Variants in PTPN1 observed in about 807,000 individuals in gnomAD.
The protein encoded by PTPN1 is protein tyrosine phosphatase non-receptor type 1, also known as tyrosine-protein phosphatase non-receptor type 1.
Under a neutral mutation model 59.9 loss-of-function variants are expected in PTPN1, and 12 were observed. The ratio of observed to expected loss-of-function variants is 0.20; its 90% CI spans 0.13 to 0.32. The LOEUF (loss-of-function observed/expected upper bound fraction) is 0.32, where lower values mean the gene tolerates loss of function less well. Ranked by LOEUF, PTPN1 falls within the 10% of genes least tolerant of loss-of-function variation. The pLI, the probability that PTPN1 is intolerant of heterozygous loss-of-function variation, is 1.00. For synonymous variants in PTPN1, 178 were observed against 203.6 expected, an observed-to-expected ratio of 0.87 and a Z score of 1.07; for missense variants, 356 against 549.2, an observed-to-expected ratio of 0.65 and a Z score of 3.52.
At chr20:50,539,635 T>C (rs1337369705) in intron 1 of PTPN1, among the ~76,000 whole-genome samples, 1 of 144,284 alleles carries the variant, frequency 6.9e-6, no homozygotes, top group Non-Finnish European at 1.5e-5. Context: ...ATTTTTTCCC[T>C]CTTTCTCTCT....
intron 1 of PTPN1, among the ~76,000 whole-genome samples, chr20:50,518,549 A>C (rs1194617104): frequency 6.6e-6 from 1 of 152,234 alleles, no homozygotes; most frequent in African/African-American, 2.4e-5. Flanking sequence ...ACTTTTGCAC[A>C]GAGAAAAGAG....
chr20:50,520,679 T>A (rs2082547291), intron 1 of PTPN1, among the ~76,000 whole-genome samples: 1 of 152,158 alleles, frequency 6.6e-6, no homozygotes, highest in South Asian at 2.1e-4. Context: ...AGAACAGTTG[T>A]GTTTCAGAGC....
rs752071908 is a variant in PTPN1, at chr20:50,579,309, A to C, written c.844A>C (p.Met282Leu). 1.9e-6 allele frequency: 3 copies of C among 1,614,212 alleles called. No individual in the cohort carries two copies. Among genetic ancestry groups the C allele is most frequent in the Non-Finnish European group, 2.5e-6 (3 of 1,180,040 alleles). The change falls in exon 7 of 10, where the codon ATG (methionine) becomes CTG (leucine). Residue 282 changes from methionine to leucine, a missense_variant. Physicochemically the swap from Met to Leu is conservative, Grantham distance 15. Coordinates refer to ENST00000371621, the MANE Select transcript of PTPN1 (RefSeq NM_002827.4). ...LAVIEGAKFI[M>L]GDSSVQDQWK... The stretch of plus-strand genomic sequence containing the variant: ...TGTGATCGAAGGTGCCAAATTCATC[A>C]TGGGGGACTCTTCCGTGCAGGTCAG...
At chr20:50,578,381 G>A (rs377760147) in intron 5 of PTPN1, 39 bp from the exon 6 acceptor site, 81 of 1,536,444 alleles carry the variant, frequency 5.3e-5, no homozygotes, top group Non-Finnish European at 7.1e-5. Context: ...CTGTACAGAT[G>A]ATTCTTTTAG....
intron 1 of PTPN1, among the ~76,000 whole-genome samples, chr20:50,520,512 T>G (rs1308427703): frequency 6.6e-6 from 1 of 152,160 alleles, no homozygotes; most frequent in Non-Finnish European, 1.5e-5. Flanking sequence ...ATTAGAGGAT[T>G]TGTAAAAGAT....
At chr20:50,528,744 A>G (rs1286757652) in intron 1 of PTPN1, among the ~76,000 whole-genome samples, 1 of 151,566 alleles carries the variant, frequency 6.6e-6, no homozygotes, top group East Asian at 1.9e-4. Context: ...CTTAAAAAAA[A>G]AAAAAAAGAA....
intron 1 of PTPN1, among the ~76,000 whole-genome samples, chr20:50,543,852 C>G (rs1568782967): frequency 6.8e-6 from 1 of 148,052 alleles, no homozygotes; most frequent in Non-Finnish European, 1.5e-5. Context: ...AACTTTTAAA[C>G]TTTTTTTTTT....
rs995378736 is a variant in PTPN1, at chr20:50,584,356, G to A, written c.*1641G>A. ...TCCTGTATATGTATGTAGTAGTTTG[G>A]GTGTGTATATATAGTAGCATTTCAA... is the stretch of plus-strand genomic sequence containing the variant. On this transcript the variant is annotated 3_prime_UTR_variant, in exon 10 of 10. Coordinates refer to ENST00000371621, the MANE Select transcript of PTPN1 (RefSeq NM_002827.4). 2 of 152,406 alleles carry A rather than the reference G, an allele frequency of 1.3e-5. No individual in the cohort carries two copies. The highest frequency in any genetic ancestry group is 1.3e-4 in the Admixed American group (2 of 15,258). The allele number at this position is 152,406 out of a possible 1,614,324, so 9.4% of individuals were successfully genotyped here.
chr20:50,542,084 C>G (rs1229513984), intron 1 of PTPN1, among the ~76,000 whole-genome samples: 1 of 152,234 alleles, frequency 6.6e-6, no homozygotes, highest in African/African-American at 2.4e-5. Context: ...CCCATCAACA[C>G]TTGGCATAAC....
intron 1 of PTPN1, among the ~76,000 whole-genome samples, chr20:50,553,290 C>T (rs181803223): frequency 2.0e-4 from 31 of 152,328 alleles, no homozygotes; most frequent in Non-Finnish European, 4.4e-4. Context: ...CTAGGATGAA[C>T]TTTCTGCCTG....
chr20:50,535,394 C>T (rs1013990180), intron 1 of PTPN1, among the ~76,000 whole-genome samples: 3 of 152,186 alleles, frequency 2.0e-5, no homozygotes, highest in African/African-American at 7.2e-5. Flanking sequence ...ATTCACAGCC[C>T]CTGCCTCAGC....
Position 50,568,366 on chromosome 20 carries a change from T to A in PTPN1, c.256-14T>A, listed in dbSNP as rs199511900. ...GTTTCAGATGTCACATGTTGTGTTATTGTGTCTTTGCAGGGCCCTTTGCCT... is the reference window on the plus strand; with the variant it reads ...GTTTCAGATGTCACATGTTGTGTTAATGTGTCTTTGCAGGGCCCTTTGCCT... On this transcript the variant is annotated splice_polypyrimidine_tract_variant and intron_variant, in intron 3 of 9. Transcript: ENST00000371621. This position sits in a 1 kb window ranked among gnomAD's most constrained non-coding sequence, Gnocchi z 5.6. The A allele has an allele frequency of 3.0e-5, 48 of 1,609,846 alleles. No homozygotes were observed. In the African/African-American group the frequency reaches 5.9e-4, roughly 20 times the overall value.
chr20:50,562,542 C>T (rs1465455289), intron 2 of PTPN1, among the ~76,000 whole-genome samples: 2 of 152,186 alleles, frequency 1.3e-5, no homozygotes, highest in Admixed American at 6.5e-5. Flanking sequence ...GATGAAGCAA[C>T]ATAAGCTGCT....
chr20:50,548,961 G>T (rs753756621), intron 1 of PTPN1, among the ~76,000 whole-genome samples: 1 of 152,076 alleles, frequency 6.6e-6, no homozygotes, highest in Non-Finnish European at 1.5e-5. Context: ...GAAGTGATCC[G>T]CCCGCCTTGG....
At chr20:50,544,088 C>A (rs2082664454) in intron 1 of PTPN1, among the ~76,000 whole-genome samples, 1 of 152,216 alleles carries the variant, frequency 6.6e-6, no homozygotes, top group South Asian at 2.1e-4. Context: ...TCGTGATCCG[C>A]CTGCCTCGGC....
intron 1 of PTPN1, among the ~76,000 whole-genome samples, chr20:50,556,337 C>T (rs1275854138): frequency 1.3e-5 from 2 of 151,372 alleles, no homozygotes; most frequent in African/African-American, 2.4e-5. Context: ...CACAGGTGCA[C>T]GCCACCACAC....
chr20:50,583,038 C>CT lies in PTPN1; in HGVS notation c.*324dup. 1 of 383,076 alleles carries CT rather than the reference C, an allele frequency of 2.6e-6. No homozygotes were observed. The highest frequency in any genetic ancestry group is 4.0e-5 in the Admixed American group (1 of 25,316). 23.7% of individuals were successfully genotyped at this position (383,076 alleles called of 1,614,324 possible). A position where few individuals can be genotyped will look rare whatever the true frequency, so the allele number is the denominator to read the frequency against. ...GGCTCGCCCCACCCAGGGCTCCCTCCTGGAGCATCCCAGGCGGGCGGCACG... is the reference window on the plus strand; with the variant it reads ...GGCTCGCCCCACCCAGGGCTCCCTCCTTGGAGCATCCCAGGCGGGCGGCACG... On this transcript the variant is annotated 3_prime_UTR_variant, in exon 10 of 10. Coordinates refer to ENST00000371621, the MANE Select transcript of PTPN1 (RefSeq NM_002827.4).
At position 50,568,537 on chromosome 20, in the gene PTPN1, C is replaced by T; in HGVS notation, c.354+59C>T. ...CATGCATACCACTCCATATAGTTAC[C>T]ATTTTCGTCCAGATTTTTAAATTAT... On this transcript the variant is annotated intron_variant, in intron 4 of 9. Coordinates refer to ENST00000371621, the MANE Select transcript of PTPN1 (RefSeq NM_002827.4). This position sits in a 1 kb window ranked among gnomAD's most constrained non-coding sequence, Gnocchi z 5.6. 1 of 1,298,944 alleles carries T rather than the reference C, an allele frequency of 7.7e-7. No homozygotes were observed. The highest frequency in any genetic ancestry group is 1.1e-6 in the Non-Finnish European group (1 of 901,334). The allele number at this position is 1,298,944 out of a possible 1,614,324, so 80.5% of individuals were successfully genotyped here. A position where few individuals can be genotyped will look rare whatever the true frequency, so the allele number is the denominator to read the frequency against.
chr20:50,524,930 A>G (rs1446410573), intron 1 of PTPN1, among the ~76,000 whole-genome samples: 1 of 152,034 alleles, frequency 6.6e-6, no homozygotes, highest in Non-Finnish European at 1.5e-5. Context: ...GATTCTTTCA[A>G]GTCAAGTACC....
Sources: allele counts gnomAD v4.1 joint callset (sites outside exome capture counted in the v4.1 genomes callset), GRCh38; gene constraint gnomAD v4.1.1; non-coding constraint Gnocchi (gnomAD v3.1); transcripts MANE v1.5; gene names NCBI Gene and HGNC (gene_info 2026-07-23, HGNC 2026-07-21).